Variants in SEMA3A observed in about 807,000 individuals in gnomAD.
The protein encoded by SEMA3A is semaphorin-3A.
In SEMA3A, 29 loss-of-function variants were observed where a neutral mutation model predicts 97.9. The observed-to-expected ratio is 0.30, with a 90% CI of 0.22 to 0.40. The LOEUF (loss-of-function observed/expected upper bound fraction) is 0.40. SEMA3A is among the 10% of genes least tolerant of loss of function. The probability of loss-of-function intolerance (pLI) is 1.00; values close to 1 mark genes in which losing one functional copy is unlikely to be tolerated. For missense variants in SEMA3A, 763 were observed against 951.3 expected (o/e 0.80, Z 2.60); for synonymous variants, 321 against 323.7 (o/e 0.99, Z 0.09).
chr7:84,095,147 T>C (rs1026477978), intron 4 of SEMA3A, among the ~76,000 whole-genome samples: 1 of 147,884 alleles, frequency 6.8e-6, no homozygotes, highest in African/African-American at 2.5e-5. Flanking sequence ...TTGCATATTA[T>C]ATATTGTATA....
chr7:84,121,983 C>T (rs1795630101), intron 3 of SEMA3A, among the ~76,000 whole-genome samples: 1 of 139,106 alleles, frequency 7.2e-6, no homozygotes, highest in Non-Finnish European at 1.5e-5. Flanking sequence ...AATAAACATA[C>T]ATTTGCATGT....
chr7:84,124,734 A>C (rs1795739101), intron 3 of SEMA3A, among the ~76,000 whole-genome samples: 1 of 152,136 alleles, frequency 6.6e-6, no homozygotes, highest in African/African-American at 2.4e-5. Context: ...GGATCCATCC[A>C]ATAGCTATTT....
intron 3 of SEMA3A, among the ~76,000 whole-genome samples, chr7:84,253,400 T>C (rs1052086594): frequency 6.6e-6 from 1 of 151,984 alleles, no homozygotes; most frequent in African/African-American, 2.4e-5. Context: ...TCACAATGTG[T>C]CTATTAGATT....
chr7:84,256,662 C>T (rs529339289), intron 3 of SEMA3A, among the ~76,000 whole-genome samples: 1 of 152,164 alleles, frequency 6.6e-6, no homozygotes, highest in South Asian at 2.1e-4. Context: ...TGCATACTGG[C>T]TTTCAAGTTC....
At chr7:84,283,345 A>G (rs1304728329) in intron 3 of SEMA3A, among the ~76,000 whole-genome samples, 3 of 152,166 alleles carry the variant, frequency 2.0e-5, no homozygotes, top group African/African-American at 4.8e-5. Context: ...TAATGTATCA[A>G]GTCAAATCTC....
chr7:84,033,555 T>C (rs1442508026), intron 6 of SEMA3A, among the ~76,000 whole-genome samples: 1 of 152,124 alleles, frequency 6.6e-6, no homozygotes. Flanking sequence ...TTGAATTAGA[T>C]CACAAATGAG....
chr7:84,155,217 A>G (rs1305088622), intron 1 of SEMA3A, among the ~76,000 whole-genome samples: 1 of 152,188 alleles, frequency 6.6e-6, no homozygotes, highest in Non-Finnish European at 1.5e-5. Context: ...TTCATGACGC[A>G]GGATTCTGCC....
At chr7:84,063,059 C>T (rs1346573100) in intron 4 of SEMA3A, among the ~76,000 whole-genome samples, 8 of 151,828 alleles carry the variant, frequency 5.3e-5, no homozygotes, top group Non-Finnish European at 1.2e-4. Flanking sequence ...TCCCAGCACG[C>T]CGCTGGAGAT....
At chr7:84,261,518 A>G (rs1230373022) in intron 3 of SEMA3A, among the ~76,000 whole-genome samples, 2 of 152,200 alleles carry the variant, frequency 1.3e-5, no homozygotes, top group Non-Finnish European at 2.9e-5. Flanking sequence ...CCATGCTTCC[A>G]GGAGCCACCA....
chr7:84,134,973 C>T (rs1275546009), intron 1 of SEMA3A, 22 bp from the exon 2 acceptor site: 1 of 1,608,002 alleles, frequency 6.2e-7, no homozygotes, highest in Non-Finnish European at 8.5e-7. Context: ...CAAAGCAAAA[C>T]ATTGGGTATT....
intron 1 of SEMA3A, among the ~76,000 whole-genome samples, chr7:84,179,235 G>A (rs551377908): frequency 3.9e-5 from 6 of 152,128 alleles, no homozygotes; most frequent in African/African-American, 1.2e-4. Flanking sequence ...TTAGAAGAAC[G>A]ATCAAAGATT....
intron 1 of SEMA3A, among the ~76,000 whole-genome samples, chr7:84,150,976 G>A (rs1397737835): frequency 1.3e-5 from 2 of 149,272 alleles, no homozygotes; most frequent in Non-Finnish European, 3.0e-5. Context: ...CCCAGCAGGG[G>A]CACACTGACA....
At chr7:84,189,898 C>G (rs1438006256) in intron 1 of SEMA3A, among the ~76,000 whole-genome samples, 1 of 151,282 alleles carries the variant, frequency 6.6e-6, no homozygotes, top group Non-Finnish European at 1.5e-5. Context: ...TATCACAGAT[C>G]AATATATCTG....
chr7:84,106,293 T>C (rs568088372), intron 4 of SEMA3A, among the ~76,000 whole-genome samples: 6 of 152,262 alleles, frequency 3.9e-5, no homozygotes, highest in East Asian at 1.9e-4. Flanking sequence ...TCTCTTTACA[T>C]ATGTTTAGAT....
At chr7:84,280,773 G>A (rs953479454) in intron 3 of SEMA3A, among the ~76,000 whole-genome samples, 10 of 151,452 alleles carry the variant, frequency 6.6e-5, no homozygotes, top group African/African-American at 1.5e-4. Context: ...AGTGAGACTC[G>A]GTGTCAAAAA....
At chr7:84,128,463 T>C (rs1201524217) in intron 3 of SEMA3A, among the ~76,000 whole-genome samples, 2 of 152,310 alleles carry the variant, frequency 1.3e-5, no homozygotes, top group Admixed American at 6.5e-5. Flanking sequence ...AGTTGACTTA[T>C]TGAATATAAG....
intron 4 of SEMA3A, among the ~76,000 whole-genome samples, chr7:84,086,186 C>T (rs1794333991): frequency 6.6e-6 from 1 of 151,848 alleles, no homozygotes; most frequent in Non-Finnish European, 1.5e-5. Context: ...CTGCTGTCAA[C>T]CTTTGCCAGC....
intron 1 of SEMA3A, among the ~76,000 whole-genome samples, chr7:84,410,667 T>C (rs1282179686): frequency 6.6e-6 from 1 of 152,162 alleles, no homozygotes; most frequent in East Asian, 1.9e-4. Context: ...TATTGCTGCG[T>C]GCACCACCAC....
intron 3 of SEMA3A, among the ~76,000 whole-genome samples, chr7:84,300,470 A>G (rs939539539): frequency 6.6e-6 from 1 of 152,122 alleles, no homozygotes; most frequent in Non-Finnish European, 1.5e-5. Context: ...TTATTTTGGT[A>G]GGGGCTACAT....
Sources: allele counts gnomAD v4.1 joint callset (sites outside exome capture counted in the v4.1 genomes callset), GRCh38; gene constraint gnomAD v4.1.1; transcripts MANE v1.5; gene names NCBI Gene and HGNC (gene_info 2026-07-23, HGNC 2026-07-21).